Variants in PRKG1 observed in about 807,000 individuals in gnomAD.
PRKG1 encodes the protein cGMP-dependent protein kinase 1.
In PRKG1, 35 loss-of-function variants were observed where a neutral mutation model predicts 88.1. That is an observed-to-expected ratio of 0.40 (90% CI 0.30 to 0.53). PRKG1 has a LOEUF of 0.53. Ranked by LOEUF, PRKG1 falls within the 20% of genes least tolerant of loss-of-function variation. The pLI is 0.59. For missense variants in PRKG1, 540 were observed against 839.8 expected (o/e 0.64, Z 4.41); for synonymous variants, 303 against 292.5 (o/e 1.04, Z -0.37).
At chr10:51,766,115 G>A (rs541578268) in intron 3 of PRKG1, among the ~76,000 whole-genome samples, 6 of 152,148 alleles carry the variant, frequency 3.9e-5, no homozygotes, top group African/African-American at 1.4e-4. Flanking sequence ...AAAAAATTAA[G>A]GAGCTCAGAC....
chr10:51,078,334 G>A (rs1376240752), intron 1 of PRKG1, among the ~76,000 whole-genome samples: 7 of 150,326 alleles, frequency 4.7e-5, no homozygotes, highest in South Asian at 2.1e-4. Context: ...CTCTCCCATC[G>A]CAGCCTCCTG....
chr10:51,149,951 A>T (rs1423099577), intron 1 of PRKG1, among the ~76,000 whole-genome samples: 1 of 152,128 alleles, frequency 6.6e-6, no homozygotes, highest in South Asian at 2.1e-4. Context: ...CAATTCAATG[A>T]TGACAAAGGA....
At chr10:51,882,249 A>T (rs1255345601) in intron 4 of PRKG1, among the ~76,000 whole-genome samples, 1 of 152,206 alleles carries the variant, frequency 6.6e-6, no homozygotes. Context: ...CCCCCCAGAC[A>T]AATGGAGAAA....
At chr10:51,856,107 T>C (rs372195577) in intron 4 of PRKG1, among the ~76,000 whole-genome samples, 22 of 152,266 alleles carry the variant, frequency 1.4e-4, no homozygotes, top group African/African-American at 5.1e-4. Flanking sequence ...TTCTGCCCCA[T>C]TGACCCATAA....
intron 2 of PRKG1, among the ~76,000 whole-genome samples, chr10:51,223,034 G>A (rs748993020): frequency 6.6e-5 from 10 of 151,452 alleles, no homozygotes; most frequent in East Asian, 1.9e-4. Flanking sequence ...TGCGGGGGAG[G>A]GTAAGGGCAC....
At chr10:51,448,070 C>T (rs571472016) in intron 2 of PRKG1, among the ~76,000 whole-genome samples, 15 of 151,882 alleles carry the variant, frequency 9.9e-5, no homozygotes, top group Non-Finnish European at 2.1e-4. Context: ...TCTCCACACA[C>T]ACACATACAC....
rs1409732177 is a variant in PRKG1 at position 51,125,792 on chromosome 10, A to G, written c.312-27372A>G. On this transcript the variant is annotated intron_variant, in intron 1 of 17. Coordinates refer to ENST00000373980, the MANE Select transcript of PRKG1 (RefSeq NM_006258.4). ...ATTTTTAATTTAATTATATAAATAT[A>G]TAAATTATATAAATTTATTTAAAAA... Among the ~76,000 whole-genome samples, 3 of 144,264 alleles carry G rather than the reference A, an allele frequency of 2.1e-5. No homozygotes were observed. The Admixed American group carries it at 2.1e-4, about 10-fold the overall frequency. 94.6% of individuals were successfully genotyped at this position (144,264 alleles called of 152,430 possible).
intron 4 of PRKG1, among the ~76,000 whole-genome samples, chr10:51,884,441 T>A (rs1430330503): frequency 3.0e-5 from 1 of 32,882 alleles, no homozygotes; most frequent in African/African-American, 1.3e-4. Context: ...TGAAACTCCG[T>A]CTCAAAAAAA....
At chr10:51,147,439 G>GA (rs35644166) in intron 1 of PRKG1, among the ~76,000 whole-genome samples, 59 of 150,274 alleles carry the variant, frequency 3.9e-4, no homozygotes, top group African/African-American at 1.1e-3. Context: ...AAAGTAAAAG[G>GA]AAAAAAAAAA....
chr10:51,003,827 A>G (rs1380618436), intron 1 of PRKG1, among the ~76,000 whole-genome samples: 1 of 151,974 alleles, frequency 6.6e-6, no homozygotes. Context: ...ATTCCATAAC[A>G]CTCCTCAGTA....
chr10:52,239,538 A>AT (rs1840799065), intron 9 of PRKG1, among the ~76,000 whole-genome samples: 1 of 146,926 alleles, frequency 6.8e-6, no homozygotes, highest in Admixed American at 6.8e-5. Context: ...AAAAAAAAAA[A>AT]AAAAAAAGAA....
In PRKG1 at chr10:51,194,742, C is replaced by T. The variant is rs556057737; in HGVS notation, c.478+41412C>T. The stretch of plus-strand genomic sequence containing the variant: ...TAATAAACATAAATTTATTGACTCA[C>T]GGTTCTAGAGGCTGAGAAGTCAAAG... On this transcript the variant is annotated intron_variant, in intron 2 of 17. Coordinates refer to ENST00000373980, the MANE Select transcript of PRKG1 (RefSeq NM_006258.4). Among the ~76,000 whole-genome samples the T allele has an allele frequency of 3.2e-4, 48 of 152,116 alleles. No individual in the cohort carries two copies. The South Asian group carries it at 8.9e-3, about 28-fold the overall frequency.
intron 7 of PRKG1, among the ~76,000 whole-genome samples, chr10:52,131,524 C>T (rs999394360): frequency 5.9e-5 from 9 of 151,660 alleles, no homozygotes; most frequent in Non-Finnish European, 1.3e-4. Flanking sequence ...GTTAAGAACT[C>T]GTGGCAGGAG....
chr10:52,083,486 C>T (rs994107733), intron 7 of PRKG1, among the ~76,000 whole-genome samples: 13 of 151,906 alleles, frequency 8.6e-5, no homozygotes, highest in East Asian at 5.8e-4. Flanking sequence ...AGAACAGGAC[C>T]GGAACATAAT....
intron 3 of PRKG1, among the ~76,000 whole-genome samples, chr10:51,553,885 G>C (rs1837214004): frequency 8.3e-6 from 1 of 120,570 alleles, no homozygotes; most frequent in Admixed American, 8.6e-5. Context: ...TTAGATACGT[G>C]TATATAATAT....
chr10:51,893,030 G>A (rs1018618242), intron 4 of PRKG1, among the ~76,000 whole-genome samples: 4 of 152,114 alleles, frequency 2.6e-5, no homozygotes, highest in Non-Finnish European at 5.9e-5. Flanking sequence ...AAAACTTACA[G>A]AGCAAAGATC....
At chr10:52,006,754 C>G (rs1844746294) in intron 5 of PRKG1, among the ~76,000 whole-genome samples, 2 of 152,234 alleles carry the variant, frequency 1.3e-5, no homozygotes, top group South Asian at 4.1e-4. Flanking sequence ...GGCCAACATT[C>G]AAATCTAGGA....
Position 51,285,838 on chromosome 10 carries a change from T to A in PRKG1, c.478+132508T>A, listed in dbSNP as rs1840426209. On this transcript the variant is annotated intron_variant, in intron 2 of 17. Coordinates refer to ENST00000373980, the MANE Select transcript of PRKG1 (RefSeq NM_006258.4). ...CCCCGCTTATGAAACTGACAGTAAC[T>A]GTTCATGAAACAGGCACAGCAAATG... 2.0e-5 allele frequency among the ~76,000 whole-genome samples: 3 copies of A among 152,158 alleles called. 1 individual carries two copies. In the South Asian group the frequency reaches 6.2e-4, roughly 31 times the overall value.
At chr10:51,491,569 A>G (rs1840709016) in intron 3 of PRKG1, among the ~76,000 whole-genome samples, 1 of 152,112 alleles carries the variant, frequency 6.6e-6, no homozygotes, top group Non-Finnish European at 1.5e-5. Context: ...GGTTCAGAGC[A>G]TGACTATAAC....
Sources: gnomAD v4.1 joint callset for allele counts (sites outside exome capture counted in the v4.1 genomes callset) on GRCh38, gnomAD v4.1.1 for gene constraint, MANE v1.5 for transcripts, NCBI Gene and HGNC (gene_info 2026-07-23, HGNC 2026-07-21) for gene names.